ABHD2: variants seen among roughly 807,000 people sequenced by gnomAD.
ABHD2 encodes the protein abhydrolase domain containing 2, acylglycerol lipase.
Under a neutral mutation model 48.1 loss-of-function variants are expected in ABHD2, and 20 were observed. The ratio of observed to expected loss-of-function variants is 0.42; its 90% CI spans 0.29 to 0.60. The LOEUF (loss-of-function observed/expected upper bound fraction) is 0.60, where lower values mean the gene tolerates loss of function less well. ABHD2 is among the 20% of genes least tolerant of loss of function. The pLI, the probability that ABHD2 is intolerant of heterozygous loss-of-function variation, is 0.24. For missense variants in ABHD2, 405 were observed against 550.9 expected, an observed-to-expected ratio of 0.74 and a Z score of 2.65; for synonymous variants, 209 against 214.2, an observed-to-expected ratio of 0.98 and a Z score of 0.21.
At chr15:89,148,476 G>A (rs1379166536) in intron 3 of ABHD2, among the ~76,000 whole-genome samples, 2 of 152,202 alleles carry the variant, frequency 1.3e-5, no homozygotes, top group African/African-American at 4.8e-5. Flanking sequence ...GAGGAAGACA[G>A]GTACTTTCCT....
At chr15:89,062,025 T>C in the ABHD2 span, among the ~76,000 whole-genome samples, 2 of 152,238 alleles carry the variant, frequency 1.3e-5, no homozygotes, top group African/African-American at 4.8e-5. Flanking sequence ...GAGGGAACAG[T>C]AGGCCAGGCT....
At chr15:89,048,529 G>A in the ABHD2 span, among the ~76,000 whole-genome samples, 12 of 152,040 alleles carry the variant, frequency 7.9e-5, no homozygotes, top group South Asian at 2.1e-4. Flanking sequence ...TCACTTTCAG[G>A]TACACCAATC....
chr15:89,086,890 C>G (rs555041057), upstream of ABHD2, among the ~76,000 whole-genome samples: 22 of 152,124 alleles, frequency 1.4e-4, no homozygotes, highest in African/African-American at 5.3e-4. Flanking sequence ...TTTTCTTTTC[C>G]AAGATGAAAG....
rs1269578017 is a variant in ABHD2, at chr15:89,200,714, A to G, written c.*5291A>G. ...TACCAATGAAATGGTAGGTAAACAA[A>G]TCTTCTGGTCAAGAGAAAAAAAAAA... On this transcript the variant is annotated 3_prime_UTR_variant, in exon 11 of 11. Coordinates refer to ENST00000352732, the MANE Select transcript of ABHD2 (RefSeq NM_152924.5). 1 of 229,632 alleles carries G rather than the reference A, an allele frequency of 4.4e-6. No homozygotes were observed. The highest frequency in any genetic ancestry group is 9.0e-6 in the Non-Finnish European group (1 of 111,504). The allele number at this position is 229,632 out of a possible 1,614,324, so 14.2% of individuals were successfully genotyped here.
the ABHD2 span, among the ~76,000 whole-genome samples, chr15:89,049,570 G>C: frequency 6.6e-6 from 1 of 152,254 alleles, no homozygotes; most frequent in African/African-American, 2.4e-5. Context: ...CTCTGAGCCA[G>C]GTGTGGGTTA....
At chr15:89,093,724 T>C (rs911123496) in intron 1 of ABHD2, 2 of 152,298 alleles carry the variant, frequency 1.3e-5, no homozygotes, top group Non-Finnish European at 2.9e-5. Context: ...TTTCCCAAGA[T>C]CTCCAAACCG....
Position 89,184,690 on chromosome 15 carries a change from C to G in ABHD2, c.723-734C>G, listed in dbSNP as rs1237322267. Reference sequence around the variant, plus strand: ...CCTCTGCATGTGCTGCTGGCAGAACCTGGGCTCTGGAAAACAGGGATAATA... The same window carrying G: ...CCTCTGCATGTGCTGCTGGCAGAACGTGGGCTCTGGAAAACAGGGATAATA... On this transcript the variant is annotated intron_variant, in intron 6 of 10. Coordinates refer to ENST00000352732, the MANE Select transcript of ABHD2 (RefSeq NM_152924.5). This position sits in a 1 kb window ranked among gnomAD's most constrained non-coding sequence, Gnocchi z 5.1. Among the ~76,000 whole-genome samples the G allele has an allele frequency of 6.6e-6, 1 of 152,154 alleles. No homozygotes were observed. Among genetic ancestry groups the G allele is most frequent in the African/African-American group, 2.4e-5 (1 of 41,432 alleles).
At chr15:89,150,766 CTA>C in intron 3 of ABHD2, among the ~76,000 whole-genome samples, 1 of 152,288 alleles carries the variant, frequency 6.6e-6, no homozygotes, top group East Asian at 1.9e-4. Flanking sequence ...ATTGACGTCA[CTA>C]TCATTTTATA....
At chr15:89,135,411 A>G (rs1596101145) in intron 3 of ABHD2, 3 of 599,298 alleles carry the variant, frequency 5.0e-6, no homozygotes, top group African/African-American at 1.9e-5. Context: ...CTATACAAAA[A>G]AAAAAAGACA....
the ABHD2 span, among the ~76,000 whole-genome samples, chr15:89,046,814 G>A: frequency 6.6e-6 from 1 of 152,082 alleles, no homozygotes; most frequent in African/African-American, 2.4e-5. Context: ...CTTGCTAGCG[G>A]TTTATCAATT....
At chr15:89,170,302 G>T (rs1042556708) in intron 5 of ABHD2, among the ~76,000 whole-genome samples, 4 of 151,460 alleles carry the variant, frequency 2.6e-5, no homozygotes, top group Non-Finnish European at 4.4e-5. Flanking sequence ...TCACCATGTT[G>T]GCCAGGCTGG....
the ABHD2 span, chr15:89,041,405 C>G: frequency 6.6e-6 from 1 of 152,160 alleles, no homozygotes; most frequent in Non-Finnish European, 1.5e-5. Flanking sequence ...TTTACTATAA[C>G]TTATTTATTA....
rs547064918 is a variant in ABHD2, at chr15:89,175,870, C to T, written c.597C>T (p.Thr199=). 1.2e-6 allele frequency: 2 copies of T among 1,614,044 alleles called. No homozygotes were observed. Among genetic ancestry groups the T allele is most frequent in the South Asian group, 2.2e-5 (2 of 91,074 alleles). ...VNYIKKTYPL[T]QLVVVGFSLG... is the part of the protein sequence containing the mutation. Reference sequence around the variant, plus strand: ...ACATCAAGAAGACATATCCCCTGACCCAGCTGGTCGTCGTGGGCTTCAGCC... The same window carrying T: ...ACATCAAGAAGACATATCCCCTGACTCAGCTGGTCGTCGTGGGCTTCAGCC... Residue 199 remains threonine, a synonymous_variant, in exon 6 of 11, where the codon ACC becomes ACT. Transcript: ENST00000352732. The surrounding 1 kb of genome is among the most constrained non-coding windows in gnomAD (Gnocchi z 5.7).
chr15:89,132,126 G>A (rs1484702901), intron 3 of ABHD2, among the ~76,000 whole-genome samples: 1 of 152,162 alleles, frequency 6.6e-6, no homozygotes, highest in Non-Finnish European at 1.5e-5. Context: ...GTAAAAACTG[G>A]GAATAGCAGC....
chr15:89,115,340 G>A (rs927058189), intron 2 of ABHD2, among the ~76,000 whole-genome samples: 5 of 148,052 alleles, frequency 3.4e-5, no homozygotes, highest in Non-Finnish European at 7.4e-5. Flanking sequence ...TTTTGTCATT[G>A]CTTATGTTTG....
At chr15:89,119,031 G>A (rs2150820208) in intron 3 of ABHD2, among the ~76,000 whole-genome samples, 1 of 152,276 alleles carries the variant, frequency 6.6e-6, no homozygotes, top group South Asian at 2.1e-4. Context: ...AGGGGCATCA[G>A]CATGGAGCCC....
intron 1 of ABHD2, among the ~76,000 whole-genome samples, chr15:89,101,788 G>A (rs1259734927): frequency 1.3e-5 from 2 of 152,158 alleles, no homozygotes; most frequent in Non-Finnish European, 2.9e-5. Flanking sequence ...GAATATCTTT[G>A]TATGGTTCAG....
chr15:89,048,881 G>GCCTC, the ABHD2 span, among the ~76,000 whole-genome samples: 5 of 146,386 alleles, frequency 3.4e-5, no homozygotes, highest in African/African-American at 1.3e-4. Context: ...ATCGTCTGAA[G>GCCTC]CCTCCTTCTC....
At position 89,165,184 on chromosome 15, in the gene ABHD2, C is replaced by T. The variant is rs16942774; in HGVS notation, c.538+9650C>T. 1.1e-3 allele frequency among the ~76,000 whole-genome samples: 170 copies of T among 152,328 alleles called. 3 individuals are homozygous for T. The East Asian group carries it at 0.027, about 24-fold the overall frequency. On this transcript the variant is annotated intron_variant, in intron 5 of 10. Transcript: ENST00000352732. ...CTTGGCCAAATCTGTTTGGGCCACA[C>T]GCCTCCAGCTCAAAGCCACTGGCTT... is the stretch of plus-strand genomic sequence containing the variant.
Sources: allele counts gnomAD v4.1 joint callset (sites outside exome capture counted in the v4.1 genomes callset), GRCh38; gene constraint gnomAD v4.1.1; non-coding constraint Gnocchi (gnomAD v3.1); transcripts MANE v1.5; gene names NCBI Gene and HGNC (gene_info 2026-07-23, HGNC 2026-07-21).